ATP10B: variants seen among roughly 807,000 people sequenced by gnomAD.
The protein encoded by ATP10B is phospholipid-transporting ATPase VB.
A neutral mutation model predicts 141.2 loss-of-function variants in ATP10B; 122 were observed. The observed-to-expected ratio is 0.86, with a 90% CI of 0.75 to 1.00. The LOEUF (loss-of-function observed/expected upper bound fraction) is 1.00, where lower values mean the gene tolerates loss of function less well. Ranked by LOEUF, ATP10B falls within the 50% of genes least tolerant of loss-of-function variation. ATP10B has a pLI of 0.00. For synonymous variants in ATP10B, 685 were observed against 692.0 expected, an observed-to-expected ratio of 0.99 and a Z score of 0.16; for missense variants, 1,876 against 1,825.3, an observed-to-expected ratio of 1.03 and a Z score of -0.51.
At chr5:160,723,684 C>G (rs1766128377) in intron 2 of ATP10B, among the ~76,000 whole-genome samples, 1 of 152,134 alleles carries the variant, frequency 6.6e-6, no homozygotes, top group Non-Finnish European at 1.5e-5. Context: ...TAAAATTAAT[C>G]AAGAAATACC....
chr5:160,647,312 G>A (rs1421509348), intron 8 of ATP10B, among the ~76,000 whole-genome samples: 3 of 152,170 alleles, frequency 2.0e-5, no homozygotes, highest in Non-Finnish European at 4.4e-5. Flanking sequence ...CCAGGCCTGA[G>A]GGTGTTCTTG....
chr5:160,627,381 C>T (rs1758665797), intron 13 of ATP10B, among the ~76,000 whole-genome samples: 1 of 152,174 alleles, frequency 6.6e-6, no homozygotes, highest in Non-Finnish European at 1.5e-5. Flanking sequence ...CTTTATGTCC[C>T]TAGTCTCTAG....
chr5:160,641,167 C>G (rs966485600), intron 9 of ATP10B, among the ~76,000 whole-genome samples: 1 of 152,142 alleles, frequency 6.6e-6, no homozygotes, highest in African/African-American at 2.4e-5. Flanking sequence ...AGAGCCTGCT[C>G]AGGGAAAGCT....
At chr5:160,821,186 A>T (rs1350274061) in intron 1 of ATP10B, among the ~76,000 whole-genome samples, 1 of 152,176 alleles carries the variant, frequency 6.6e-6, no homozygotes, top group Non-Finnish European at 1.5e-5. Flanking sequence ...CAAAATCAAC[A>T]TACAATAATC....
intron 2 of ATP10B, among the ~76,000 whole-genome samples, chr5:160,780,575 TA>T (rs1372884892): frequency 6.6e-6 from 1 of 152,192 alleles, no homozygotes; most frequent in Non-Finnish European, 1.5e-5. Flanking sequence ...TCATTGGGGT[TA>T]TTTCCAGGAA....
the ATP10B span, among the ~76,000 whole-genome samples, chr5:160,900,908 GTTTTTT>G: frequency 0.017 from 1,531 of 88,982 alleles, 41 homozygotes; most frequent in African/African-American, 0.062. Flanking sequence ...GGGTAGAGAA[GTTTTTT>G]TTTTTTTTTT....
chr5:160,853,124 C>T (rs1000594391), upstream of ATP10B, among the ~76,000 whole-genome samples: 4 of 152,150 alleles, frequency 2.6e-5, no homozygotes, highest in South Asian at 2.1e-4. Flanking sequence ...AAATCTGCAT[C>T]GCTGTGTGTG....
upstream of ATP10B, among the ~76,000 whole-genome samples, chr5:160,853,888 A>T (rs888806599): frequency 1.3e-5 from 2 of 152,156 alleles, no homozygotes; most frequent in Non-Finnish European, 2.9e-5. Context: ...ACACTCACAG[A>T]GTTTTACTTA....
intron 3 of ATP10B, among the ~76,000 whole-genome samples, chr5:160,706,870 A>C (rs912782595): frequency 6.6e-6 from 1 of 152,212 alleles, no homozygotes; most frequent in Non-Finnish European, 1.5e-5. Context: ...CCTTAGTGTC[A>C]CAGTGACACA....
chr5:160,717,090 CT>C, intron 2 of ATP10B, 56 bp from the exon 3 acceptor site: 1 of 958,484 alleles, frequency 1.0e-6, no homozygotes, highest in Non-Finnish European at 1.2e-6. Context: ...GTTATAAATG[CT>C]ATTTATATAA....
At position 160,817,639 on chromosome 5, in the gene ATP10B, C is replaced by CA. The variant is rs907631614; in HGVS notation, c.-575-31837dup. On this transcript the variant is annotated intron_variant, in intron 1 of 25. Coordinates refer to ENST00000327245, the MANE Select transcript of ATP10B (RefSeq NM_025153.3). ...CCAATGACTTTCTTCACAGAATTGG[C>CA]AAAAACTACTTTAAAGTTCATATGG... is the stretch of plus-strand genomic sequence containing the variant. 5.7e-4 allele frequency among the ~76,000 whole-genome samples: 86 copies of CA among 152,066 alleles called. 1 individual carries two copies. Among genetic ancestry groups the CA allele is most frequent in the African/African-American group, 2.0e-3 (81 of 41,528 alleles).
chr5:160,645,957 A>G (rs1054808900), intron 8 of ATP10B, among the ~76,000 whole-genome samples: 2 of 152,202 alleles, frequency 1.3e-5, no homozygotes, highest in African/African-American at 4.8e-5. Context: ...CCAGAGTGCT[A>G]TACTGCCACT....
chr5:160,825,492 C>G (rs1295267010), intron 1 of ATP10B, among the ~76,000 whole-genome samples: 1 of 152,170 alleles, frequency 6.6e-6, no homozygotes, highest in Non-Finnish European at 1.5e-5. Context: ...TGAGGCCTCC[C>G]CAGCATGTGG....
intron 3 of ATP10B, among the ~76,000 whole-genome samples, chr5:160,705,971 T>C (rs1764989022): frequency 6.6e-6 from 1 of 152,192 alleles, no homozygotes; most frequent in African/African-American, 2.4e-5. Context: ...TTTATTGGCC[T>C]AATTTCAATG....
the ATP10B span, among the ~76,000 whole-genome samples, chr5:160,894,369 G>GGA: frequency 6.6e-6 from 1 of 151,928 alleles, no homozygotes; most frequent in South Asian, 2.1e-4. Flanking sequence ...ATGACCTGAT[G>GGA]GAGCTGAAAA....
intron 7 of ATP10B, among the ~76,000 whole-genome samples, chr5:160,667,424 A>C (rs1002113436): frequency 6.6e-6 from 1 of 152,152 alleles, no homozygotes; most frequent in Non-Finnish European, 1.5e-5. Flanking sequence ...CGAGATAATC[A>C]TGCAAAGCCC....
intron 3 of ATP10B, among the ~76,000 whole-genome samples, chr5:160,706,669 G>A (rs34717789): frequency 0.036 from 5,455 of 152,222 alleles, 160 homozygotes; most frequent in Non-Finnish European, 0.045. Context: ...AAATTGCAAC[G>A]ATAATACAGA....
the ATP10B span, among the ~76,000 whole-genome samples, chr5:160,885,760 A>C: frequency 6.6e-6 from 1 of 152,214 alleles, no homozygotes; most frequent in Non-Finnish European, 1.5e-5. Flanking sequence ...GATGGGATAA[A>C]TCATAAGCTA....
chr5:160,917,260 A>G, the ATP10B span, among the ~76,000 whole-genome samples: 6 of 136,458 alleles, frequency 4.4e-5, no homozygotes, highest in Admixed American at 3.7e-4. Context: ...TCCTGATTCT[A>G]GGGTACTTCT....
Sources: gnomAD v4.1 joint callset for allele counts (sites outside exome capture counted in the v4.1 genomes callset) on GRCh38, gnomAD v4.1.1 for gene constraint, MANE v1.5 for transcripts, NCBI Gene and HGNC (gene_info 2026-07-23, HGNC 2026-07-21) for gene names.